CSMD1: variants seen among roughly 807,000 people sequenced by gnomAD.
The protein encoded by CSMD1 is CUB and Sushi multiple domains 1.
A neutral mutation model predicts 417.5 loss-of-function variants in CSMD1; 213 were observed. The observed-to-expected ratio is 0.51, with a 90% confidence interval of 0.46 to 0.57. The LOEUF (loss-of-function observed/expected upper bound fraction) is 0.57, where lower values mean the gene tolerates loss of function less well. CSMD1 is among the 20% of genes least tolerant of loss of function. CSMD1 has a pLI of 0.00. For synonymous variants in CSMD1, 2,862 were observed against 1,736.8 expected (o/e 1.65, Z -16.11); for missense variants, 6,923 against 4,529.7 (o/e 1.53, Z -15.17).
chr8:4,059,778 A>C (rs1001640088), intron 3 of CSMD1, among the ~76,000 whole-genome samples: 2 of 151,920 alleles, frequency 1.3e-5, no homozygotes, highest in Admixed American at 6.6e-5. Context: ...CAATAACAGG[A>C]GCTGCAATTG....
At chr8:4,079,306 T>C (rs374441376) in intron 3 of CSMD1, among the ~76,000 whole-genome samples, 4 of 152,246 alleles carry the variant, frequency 2.6e-5, no homozygotes, top group African/African-American at 9.6e-5. Flanking sequence ...GATAAACAAA[T>C]TGTGACTAGG....
chr8:3,857,269 A>T (rs140601504), intron 5 of CSMD1, among the ~76,000 whole-genome samples: 131 of 152,278 alleles, frequency 8.6e-4, no homozygotes, highest in African/African-American at 3.0e-3. Context: ...CAAATGGAGT[A>T]ATCTTTAAAC....
intron 42 of CSMD1, among the ~76,000 whole-genome samples, chr8:3,112,447 A>G (rs1175442210): frequency 6.6e-6 from 1 of 152,210 alleles, no homozygotes; most frequent in African/African-American, 2.4e-5. Context: ...AGGGCAAAAG[A>G]AATGAGGTGG....
chr8:4,643,604 G>C (rs1346579477), intron 1 of CSMD1, among the ~76,000 whole-genome samples: 1 of 152,312 alleles, frequency 6.6e-6, no homozygotes, highest in Non-Finnish European at 1.5e-5. Flanking sequence ...TAAGGAGTAC[G>C]ACAGACTTCT....
chr8:4,622,766 G>C (rs552184351), intron 2 of CSMD1, among the ~76,000 whole-genome samples: 7 of 152,098 alleles, frequency 4.6e-5, no homozygotes, highest in African/African-American at 1.4e-4. Context: ...TACTGAAGGA[G>C]CTGGGCATTT....
chr8:3,579,203 G>C (rs894078914), intron 9 of CSMD1, among the ~76,000 whole-genome samples: 2 of 152,120 alleles, frequency 1.3e-5, no homozygotes, highest in Non-Finnish European at 2.9e-5. Flanking sequence ...TAAAACGTCA[G>C]GAGGGAAAGT....
intron 1 of CSMD1, among the ~76,000 whole-genome samples, chr8:4,640,161 G>A (rs563337392): frequency 1.1e-4 from 17 of 152,232 alleles, no homozygotes; most frequent in Admixed American, 2.0e-4. Context: ...CTGCATTCAG[G>A]GTACTAATGA....
intron 12 of CSMD1, among the ~76,000 whole-genome samples, chr8:3,438,764 G>C (rs1814739798): frequency 1.3e-5 from 2 of 152,074 alleles, no homozygotes; most frequent in South Asian, 2.1e-4. Context: ...ACTTCTCTGA[G>C]ATAAATGATT....
At chr8:4,806,466 CCATCTGTGG>C (rs1467086856) in intron 1 of CSMD1, among the ~76,000 whole-genome samples, 3 of 144,970 alleles carry the variant, frequency 2.1e-5, no homozygotes, top group Non-Finnish European at 4.5e-5. Context: ...CTTCCCACGC[CCATCTGTGG>C]GCCATCTATT....
chr8:4,899,724 T>C (rs1236877974), intron 1 of CSMD1, among the ~76,000 whole-genome samples: 1 of 152,228 alleles, frequency 6.6e-6, no homozygotes, highest in African/African-American at 2.4e-5. Flanking sequence ...CATATCTCAC[T>C]GGACCTTTTT....
At chr8:3,648,880 T>A (rs1797708908) in intron 7 of CSMD1, among the ~76,000 whole-genome samples, 2 of 152,244 alleles carry the variant, frequency 1.3e-5, no homozygotes, top group Admixed American at 1.3e-4. Context: ...CAGCAGTTTC[T>A]GGTAGCTAGT....
At chr8:4,929,762 T>C (rs1421487611) in intron 1 of CSMD1, among the ~76,000 whole-genome samples, 2 of 152,204 alleles carry the variant, frequency 1.3e-5, no homozygotes, top group Non-Finnish European at 2.9e-5. Context: ...ATGGTTATTA[T>C]AAGCCACAGG....
intron 21 of CSMD1, among the ~76,000 whole-genome samples, chr8:3,349,644 T>C (rs541948216): frequency 6.6e-6 from 1 of 151,384 alleles, no homozygotes; most frequent in East Asian, 1.9e-4. Context: ...ACTATAATTA[T>C]GTATTTGTAT....
intron 5 of CSMD1, among the ~76,000 whole-genome samples, chr8:3,992,705 C>T (rs967480991): frequency 6.6e-6 from 1 of 152,170 alleles, no homozygotes; most frequent in East Asian, 1.9e-4. Context: ...GGCTTCAGTC[C>T]AGGAGTTTGA....
At chr8:4,013,316 C>T (rs924229290) in intron 4 of CSMD1, among the ~76,000 whole-genome samples, 1 of 152,054 alleles carries the variant, frequency 6.6e-6, no homozygotes, top group Non-Finnish European at 1.5e-5. Flanking sequence ...TCTTCGTTCA[C>T]TCACCGTACG....
chr8:3,303,038 A>C (rs1461571763), intron 25 of CSMD1, among the ~76,000 whole-genome samples: 1 of 152,164 alleles, frequency 6.6e-6, no homozygotes, highest in Non-Finnish European at 1.5e-5. Flanking sequence ...AGACTTCTAT[A>C]ACTCTTTTAC....
In CSMD1 at chr8:4,952,527, A is replaced by AT. The variant is rs773554651; in HGVS notation, c.85+41804dup. On this transcript the variant is annotated intron_variant, in intron 1 of 69. Coordinates refer to ENST00000635120, the MANE Select transcript of CSMD1 (RefSeq NM_033225.6). The stretch of plus-strand genomic sequence containing the variant: ...CCTTTTCATGAATTACTTAAATTCT[A>AT]TTTTTTCAATACTTTAATATGATTT... Among the ~76,000 whole-genome samples the AT allele has an allele frequency of 1.4e-3, 216 of 152,032 alleles. 9 individuals are homozygous for AT. Among genetic ancestry groups the AT allele is most frequent in the Non-Finnish European group, 1.3e-3 (86 of 67,924 alleles).
At chr8:4,049,205 T>A (rs1370287664) in intron 3 of CSMD1, among the ~76,000 whole-genome samples, 1 of 152,058 alleles carries the variant, frequency 6.6e-6, no homozygotes, top group Non-Finnish European at 1.5e-5. Context: ...TCTTTCTCTA[T>A]CTATTCTGAT....
At chr8:4,954,627 T>C (rs903293394) in intron 1 of CSMD1, among the ~76,000 whole-genome samples, 2 of 152,182 alleles carry the variant, frequency 1.3e-5, no homozygotes, top group Non-Finnish European at 2.9e-5. Flanking sequence ...TAAAATAAAA[T>C]CCTACCAAAA....
Sources: gnomAD v4.1 joint callset for allele counts (sites outside exome capture counted in the v4.1 genomes callset) on GRCh38, gnomAD v4.1.1 for gene constraint, MANE v1.5 for transcripts, NCBI Gene and HGNC (gene_info 2026-07-23, HGNC 2026-07-21) for gene names.